PRRX1: variants seen among roughly 807,000 people sequenced by gnomAD.
PRRX1 encodes the protein paired mesoderm homeobox protein 1.
PRRX1 carries 8 observed loss-of-function variants against 24.0 expected under a neutral mutation model. That is an observed-to-expected ratio of 0.33 (90% CI 0.20 to 0.60). The LOEUF (loss-of-function observed/expected upper bound fraction) is 0.60, where lower values mean the gene tolerates loss of function less well. PRRX1 is among the 20% of genes least tolerant of loss of function. The probability of loss-of-function intolerance (pLI) is 0.82; values close to 1 mark genes in which losing one functional copy is unlikely to be tolerated. For synonymous variants in PRRX1, 160 were observed against 131.7 expected (o/e 1.22, Z -1.47); for missense variants, 281 against 322.4 (o/e 0.87, Z 0.98).
Position 170,664,233 on chromosome 1 carries a change from C to T in PRRX1, c.15C>T (p.Tyr5=), listed in dbSNP as rs138970767. 101 of 1,611,430 alleles carry T rather than the reference C, an allele frequency of 6.3e-5. No individual in the cohort carries two copies. The African/African-American group carries it at 1.2e-3, about 20-fold the overall frequency. Residue 5 remains tyrosine, a synonymous_variant, in exon 1 of 4, where the codon TAC becomes TAT. Coordinates refer to ENST00000239461, the MANE Select transcript of PRRX1 (RefSeq NM_022716.4). ...TGGGGGAGACCATGACCTCCAGCTACGGGCACGTTCTGGAGCGGCAACCGG... is the reference window on the plus strand; with the variant it reads ...TGGGGGAGACCATGACCTCCAGCTATGGGCACGTTCTGGAGCGGCAACCGG... The part of the protein sequence containing the change: MTSS[Y]GHVLERQPAL...
At chr1:170,726,431 C>T (rs746152584) in intron 3 of PRRX1, 30 bp downstream of exon 3, 27 of 1,604,344 alleles carry the variant, frequency 1.7e-5, no homozygotes, top group Admixed American at 1.2e-4. Context: ...TCCCTTGCTC[C>T]ACTTCCACAT....
Position 170,739,285 on chromosome 1 carries a change from A to C in PRRX1, c.*3099A>C, listed in dbSNP as rs1255920591. 5.3e-6 allele frequency: 1 copy of C among 188,078 alleles called. No homozygotes were observed. The highest frequency in any genetic ancestry group is 1.1e-5 in the Non-Finnish European group (1 of 89,110). The allele number at this position is 188,078 out of a possible 1,614,324, so 11.7% of individuals were successfully genotyped here. A position where few individuals can be genotyped will look rare whatever the true frequency, so the allele number is the denominator to read the frequency against. On this transcript the variant is annotated 3_prime_UTR_variant, in exon 4 of 4. Coordinates refer to ENST00000239461, the MANE Select transcript of PRRX1 (RefSeq NM_022716.4). ...AAAAGGGAATGACATTTAGGGTATA[A>C]AGATCTCATAAGAAATGTAATATGT...
chr1:170,677,959 T>C (rs1252402563), intron 1 of PRRX1, among the ~76,000 whole-genome samples: 2 of 152,208 alleles, frequency 1.3e-5, no homozygotes, highest in Non-Finnish European at 2.9e-5. Flanking sequence ...ATTCCAGACC[T>C]GACATAGCTA....
At chr1:170,678,716 G>A (rs573115777) in intron 1 of PRRX1, among the ~76,000 whole-genome samples, 21 of 152,236 alleles carry the variant, frequency 1.4e-4, no homozygotes, top group South Asian at 2.1e-4. Flanking sequence ...TCTTTTGGCC[G>A]TTGTTTTTCT....
chr1:170,726,429 TC>T, intron 3 of PRRX1, 28 bp downstream of exon 3: 1 of 1,605,466 alleles, frequency 6.2e-7, no homozygotes, highest in Non-Finnish European at 8.5e-7. Context: ...TCTCCCTTGC[TC>T]CACTTCCACA....
chr1:170,708,344 C>T (rs1050660835), intron 1 of PRRX1, among the ~76,000 whole-genome samples: 5 of 151,852 alleles, frequency 3.3e-5, no homozygotes, highest in Non-Finnish European at 5.9e-5. Context: ...CTCATATGAC[C>T]TTAGTGCATC....
At chr1:170,730,290 C>G in intron 3 of PRRX1, 1 of 1,611,422 alleles carries the variant, frequency 6.2e-7, no homozygotes, top group Non-Finnish European at 8.5e-7. Flanking sequence ...CTCGTCCCTC[C>G]CAAGATGTTG....
chr1:170,718,333 T>C (rs1654969836), intron 1 of PRRX1, among the ~76,000 whole-genome samples: 1 of 152,232 alleles, frequency 6.6e-6, no homozygotes, highest in South Asian at 2.1e-4. Context: ...GCCTCAGTTG[T>C]CAGGCCTCTG....
At chr1:170,690,448 T>A (rs1653899970) in intron 1 of PRRX1, among the ~76,000 whole-genome samples, 1 of 152,072 alleles carries the variant, frequency 6.6e-6, no homozygotes, top group African/African-American at 2.4e-5. Flanking sequence ...GAGAGAGAAG[T>A]TATAATAATC....
intron 1 of PRRX1, among the ~76,000 whole-genome samples, chr1:170,683,935 T>G (rs898988463): frequency 1.3e-5 from 2 of 152,172 alleles, no homozygotes; most frequent in African/African-American, 4.8e-5. Context: ...TCAGGGGAGC[T>G]AAAATCAGAA....
chr1:170,691,493 TTCCTTTC>T (rs979180393), intron 1 of PRRX1, among the ~76,000 whole-genome samples: 4 of 141,582 alleles, frequency 2.8e-5, no homozygotes, highest in African/African-American at 7.7e-5. Context: ...TTCCTTTCCT[TTCCTTTC>T]CTTTCCTTTC....
At chr1:170,717,864 A>G (rs982224155) in intron 1 of PRRX1, among the ~76,000 whole-genome samples, 3 of 152,212 alleles carry the variant, frequency 2.0e-5, no homozygotes, top group African/African-American at 7.2e-5. Context: ...GCTAATAGCT[A>G]GTGGTATAAT....
At chr1:170,730,350 T>C (rs1172138090) in intron 3 of PRRX1, 1 of 1,605,894 alleles carries the variant, frequency 6.2e-7, no homozygotes, top group East Asian at 2.2e-5. Flanking sequence ...ACTGAAAAGG[T>C]AACTTGTCAG....
intron 1 of PRRX1, among the ~76,000 whole-genome samples, chr1:170,692,683 T>C (rs1229339271): frequency 6.7e-6 from 1 of 150,254 alleles, no homozygotes; most frequent in Non-Finnish European, 1.5e-5. Context: ...TGGAAATAAG[T>C]GGAAGAAACC....
At chr1:170,689,839 C>CCTCTCTCTCTCTCTCTCTCTCTCT (rs71559512) in intron 1 of PRRX1, among the ~76,000 whole-genome samples, 15 of 91,602 alleles carry the variant, frequency 1.6e-4, no homozygotes, top group Admixed American at 2.4e-4. Context: ...TCTCTCTCTC[C>CCTCTCTCTCTCTCTCTCTCTCTCT]CTCTCTCTCT....
intron 2 of PRRX1, among the ~76,000 whole-genome samples, chr1:170,725,674 C>T (rs1655234331): frequency 6.6e-6 from 1 of 152,168 alleles, no homozygotes; most frequent in South Asian, 2.1e-4. Flanking sequence ...GCCTTTTCAT[C>T]TCTGTTACTT....
At chr1:170,713,422 G>A (rs748049065) in intron 1 of PRRX1, among the ~76,000 whole-genome samples, 21 of 152,308 alleles carry the variant, frequency 1.4e-4, no homozygotes, top group Admixed American at 3.3e-4. Flanking sequence ...GAGTTAAAGC[G>A]CTTAAGGTGA....
chr1:170,722,928 T>C (rs532167930), intron 2 of PRRX1, among the ~76,000 whole-genome samples: 62 of 152,292 alleles, frequency 4.1e-4, no homozygotes, highest in African/African-American at 1.4e-3. Flanking sequence ...CACAGGTAAT[T>C]TTGAGCACAG....
intron 1 of PRRX1, among the ~76,000 whole-genome samples, chr1:170,713,502 A>C (rs984602446): frequency 2.4e-4 from 37 of 152,328 alleles, no homozygotes; most frequent in African/African-American, 8.4e-4. Flanking sequence ...AGAAATATAT[A>C]ACAAAGAAGC....
Sources: gnomAD v4.1 joint callset for allele counts (sites outside exome capture counted in the v4.1 genomes callset) on GRCh38, gnomAD v4.1.1 for gene constraint, MANE v1.5 for transcripts, NCBI Gene and HGNC (gene_info 2026-07-23, HGNC 2026-07-21) for gene names.